C9orf85: variants seen among roughly 807,000 people sequenced by gnomAD.
C9orf85 encodes the protein uncharacterized protein C9orf85.
A neutral mutation model predicts 14.9 loss-of-function variants in C9orf85; 16 were observed. That is an observed-to-expected ratio of 1.08 (90% CI 0.73 to 1.63). The LOEUF is 1.63. C9orf85 is among the 40% of genes most tolerant of loss of function. The pLI, the probability that C9orf85 is intolerant of heterozygous loss-of-function variation, is 0.00. For synonymous variants in C9orf85, 45 were observed against 56.8 expected (o/e 0.79, Z 0.93); for missense variants, 172 against 186.1 (o/e 0.92, Z 0.44).
intron 1 of C9orf85, among the ~76,000 whole-genome samples, chr9:71,939,766 T>C (rs1348660766): frequency 6.6e-6 from 1 of 152,142 alleles, no homozygotes; most frequent in African/African-American, 2.4e-5. Context: ...ACTAGACACA[T>C]AGATTAATGT....
intron 1 of C9orf85, among the ~76,000 whole-genome samples, chr9:71,943,755 G>A (rs1307097853): frequency 6.6e-6 from 1 of 151,538 alleles, no homozygotes; most frequent in African/African-American, 2.4e-5. Flanking sequence ...TGGTCAGGCT[G>A]TTCTTGAACT....
chr9:71,976,415 T>C (rs930628490), downstream of C9orf85, among the ~76,000 whole-genome samples: 6 of 152,022 alleles, frequency 3.9e-5, no homozygotes, highest in East Asian at 3.9e-4. Flanking sequence ...GTAATCCCAG[T>C]ACTTTGGGAG....
rs7031861 is a variant in C9orf85 at position 71,934,343 on chromosome 9, C to T, written c.103-12663C>T. ...CAAACACTGTCTCAAAACAAACAAA[C>T]AAAAAATCCTTACCTGTAAGCCATC... On this transcript the variant is annotated intron_variant, in intron 1 of 3. Transcript: ENST00000334731. 9.1e-3 allele frequency among the ~76,000 whole-genome samples: 1,383 copies of T among 152,042 alleles called. 21 individuals are homozygous for T. The highest frequency in any genetic ancestry group is 0.031 in the African/African-American group (1,282 of 41,470).
chr9:71,980,467 T>G (rs1823078499), intron 3 of C9orf85, among the ~76,000 whole-genome samples: 1 of 152,160 alleles, frequency 6.6e-6, no homozygotes, highest in Non-Finnish European at 1.5e-5. Flanking sequence ...AAAGATGGTC[T>G]AGAACAGGAC....
At chr9:71,912,143 T>G (rs990230822) in intron 1 of C9orf85, among the ~76,000 whole-genome samples, 2 of 152,152 alleles carry the variant, frequency 1.3e-5, no homozygotes, top group Non-Finnish European at 2.9e-5. Flanking sequence ...CTGGATCACA[T>G]TAGCAGAGGG....
intron 2 of C9orf85, among the ~76,000 whole-genome samples, chr9:71,956,242 G>GTTT (rs60432625): frequency 4.5e-4 from 23 of 50,996 alleles, no homozygotes; most frequent in African/African-American, 8.3e-4. Context: ...GAATGCAAAA[G>GTTT]TTTTTTTTTT....
At chr9:71,934,825 G>T (rs1828151340) in intron 1 of C9orf85, among the ~76,000 whole-genome samples, 1 of 151,694 alleles carries the variant, frequency 6.6e-6, no homozygotes, top group South Asian at 2.1e-4. Flanking sequence ...AGCCAAGATG[G>T]TGCCATTGTA....
intron 1 of C9orf85, among the ~76,000 whole-genome samples, chr9:71,942,831 A>G (rs1417647497): frequency 6.6e-6 from 1 of 151,496 alleles, no homozygotes; most frequent in Non-Finnish European, 1.5e-5. Context: ...TGAACCTGGG[A>G]GACAGAGGTT....
chr9:71,950,107 A>G (rs1275354576), intron 2 of C9orf85, among the ~76,000 whole-genome samples: 27 of 152,176 alleles, frequency 1.8e-4, no homozygotes, highest in Admixed American at 1.7e-3. Context: ...AACACATGGC[A>G]CATTAGACAT....
chr9:71,982,439 A>G (rs1823113314), intron 3 of C9orf85, among the ~76,000 whole-genome samples: 1 of 151,932 alleles, frequency 6.6e-6, no homozygotes, highest in Non-Finnish European at 1.5e-5. Context: ...TGTGTGGTAA[A>G]TTCATATTTA....
chr9:71,927,600 T>G (rs946901298), intron 1 of C9orf85, among the ~76,000 whole-genome samples: 22 of 152,194 alleles, frequency 1.4e-4, no homozygotes, highest in African/African-American at 5.3e-4. Context: ...TTTTAAAGTC[T>G]GAGTGCCTAT....
chr9:71,911,676 G>C lies in C9orf85; in HGVS notation c.-59G>C. On this transcript the variant is annotated 5_prime_UTR_variant, in exon 1 of 4. Transcript: ENST00000334731. ...GTCAATTCCTGGGAGTAGTTCGTTG[G>C]TTTTCTTTCCCCTCATCCTTTTGCC... 6.8e-7 allele frequency: 1 copy of C among 1,465,860 alleles called. No homozygotes were observed. Among genetic ancestry groups the C allele is most frequent in the Non-Finnish European group, 9.6e-7 (1 of 1,045,278 alleles). 90.8% of individuals were successfully genotyped at this position (1,465,860 alleles called of 1,614,324 possible). A position where few individuals can be genotyped will look rare whatever the true frequency, so the allele number is the denominator to read the frequency against.
At chr9:71,969,417 C>G (rs1241212684) in intron 2 of C9orf85, among the ~76,000 whole-genome samples, 1 of 152,100 alleles carries the variant, frequency 6.6e-6, no homozygotes, top group East Asian at 1.9e-4. Flanking sequence ...GCTGGGAGTA[C>G]CAGCATGAGC....
chr9:71,911,973 C>T (rs760900061), intron 1 of C9orf85, 137 bp downstream of exon 1: 4 of 765,014 alleles, frequency 5.2e-6, no homozygotes, highest in Non-Finnish European at 9.3e-6. Flanking sequence ...CAGTGCAACT[C>T]TTTCTAAAAT....
At chr9:71,950,751 T>C (rs1373287627) in intron 2 of C9orf85, among the ~76,000 whole-genome samples, 1 of 152,232 alleles carries the variant, frequency 6.6e-6, no homozygotes, top group African/African-American at 2.4e-5. Context: ...TATTGTTTCA[T>C]GTGTCTATCT....
At chr9:71,980,513 T>C (rs991663943) in intron 3 of C9orf85, among the ~76,000 whole-genome samples, 3 of 152,088 alleles carry the variant, frequency 2.0e-5, no homozygotes, top group African/African-American at 7.2e-5. Context: ...TATTACAACA[T>C]GTCCGCAAAG....
At chr9:71,929,872 T>G (rs1376194891) in intron 1 of C9orf85, among the ~76,000 whole-genome samples, 1 of 145,942 alleles carries the variant, frequency 6.9e-6, no homozygotes, top group African/African-American at 2.5e-5. Context: ...AACTTAAAGA[T>G]ATCTTTTTAT....
intron 3 of C9orf85, among the ~76,000 whole-genome samples, chr9:71,978,718 A>G (rs1183423398): frequency 6.6e-6 from 1 of 152,196 alleles, no homozygotes; most frequent in Non-Finnish European, 1.5e-5. Flanking sequence ...ACAGGTACAG[A>G]AACATAAAAT....
intron 1 of C9orf85, among the ~76,000 whole-genome samples, chr9:71,945,638 T>C (rs1822066370): frequency 6.6e-6 from 1 of 152,264 alleles, no homozygotes; most frequent in African/African-American, 2.4e-5. Context: ...TTTTATCAAA[T>C]ATTTTATCTT....
Sources: allele counts gnomAD v4.1 joint callset (sites outside exome capture counted in the v4.1 genomes callset), GRCh38; gene constraint gnomAD v4.1.1; transcripts MANE v1.5; gene names NCBI Gene and HGNC (gene_info 2026-07-23, HGNC 2026-07-21).